Variants in MAOA observed in about 807,000 individuals in gnomAD.
MAOA encodes monoamine oxidase A.
MAOA carries 6 observed loss-of-function variants against 42.0 expected under a neutral mutation model. That is an observed-to-expected ratio of 0.14 (90% CI 0.08 to 0.28). The LOEUF (loss-of-function observed/expected upper bound fraction) is 0.28. Ranked by LOEUF, MAOA falls within the 10% of genes least tolerant of loss-of-function variation. The pLI is 1.00. For missense variants in MAOA, 262 were observed against 422.3 expected (o/e 0.62, Z 3.33); for synonymous variants, 140 against 154.0 (o/e 0.91, Z 0.67).
In MAOA at chrX:43,683,627, A is replaced by G; in HGVS notation, c.168+20A>G. The G allele has an allele frequency of 9.0e-7, 1 of 1,108,118 alleles. No homozygotes were observed. Among genetic ancestry groups the G allele is most frequent in the South Asian group, 1.8e-5 (1 of 54,623 alleles). 91.3% of individuals were successfully genotyped at this position (1,108,118 alleles called of 1,213,427 possible). ...ATAAGGGTAAGTGATTTTAATACTT[A>G]CATGTAATGTAATATCTCACTCAAA... On this transcript the variant is annotated intron_variant, in intron 2 of 14. Coordinates refer to ENST00000338702, the MANE Select transcript of MAOA (RefSeq NM_000240.4).
intron 3 of MAOA, among the ~76,000 whole-genome samples, chrX:43,702,034 C>T (rs1221781183): frequency 8.9e-6 from 1 of 112,164 alleles, no homozygotes; most frequent in Non-Finnish European, 1.9e-5. Context: ...AGCCTTCTAA[C>T]AGTTGAAATC....
chrX:43,698,189 A>G (rs1205143745), intron 3 of MAOA, among the ~76,000 whole-genome samples: 1 of 112,405 alleles, frequency 8.9e-6, no homozygotes, highest in Non-Finnish European at 1.9e-5. Context: ...AATTTTCCCA[A>G]TGCGAAACCT....
At chrX:43,710,204 G>A (rs1164827006) in intron 3 of MAOA, among the ~76,000 whole-genome samples, 1 of 112,690 alleles carries the variant, frequency 8.9e-6, no homozygotes. Context: ...CCAGTGTCAG[G>A]CATAGAGAAG....
intron 6 of MAOA, among the ~76,000 whole-genome samples, chrX:43,728,718 A>G (rs968821824): frequency 2.7e-5 from 3 of 112,665 alleles, no homozygotes; most frequent in Non-Finnish European, 3.7e-5. Flanking sequence ...TGATTCTTTT[A>G]TGTTAACTGC....
At chrX:43,658,718 G>C (rs1287553029) in intron 1 of MAOA, among the ~76,000 whole-genome samples, 1 of 111,849 alleles carries the variant, frequency 8.9e-6, no homozygotes. Flanking sequence ...AGTCAGATCT[G>C]AGTGATTTTA....
At chrX:43,717,101 G>A (rs1314618081) in intron 5 of MAOA, among the ~76,000 whole-genome samples, 2 of 110,697 alleles carry the variant, frequency 1.8e-5, no homozygotes, top group African/African-American at 3.3e-5. Flanking sequence ...GTGATGGTGG[G>A]GGGAAATGGT....
At chrX:43,676,795 G>A (rs995701648) in intron 1 of MAOA, among the ~76,000 whole-genome samples, 4 of 108,824 alleles carry the variant, frequency 3.7e-5, no homozygotes, top group African/African-American at 1.4e-4. Flanking sequence ...GTGTGTGTGT[G>A]TGTAGTGCCA....
At chrX:43,665,519 G>A (rs1378575195) in intron 1 of MAOA, among the ~76,000 whole-genome samples, 3 of 111,324 alleles carry the variant, frequency 2.7e-5, no homozygotes, top group Non-Finnish European at 5.7e-5. Context: ...ATGAAAGATT[G>A]GGGCGAATAA....
upstream of MAOA, chrX:43,656,226 C>A (rs1478433083): frequency 3.1e-5 from 20 of 645,561 alleles, no homozygotes; most frequent in Non-Finnish European, 3.5e-5. Context: ...CCCCGGGTAT[C>A]AAAAGAAGGA....
intron 2 of MAOA, among the ~76,000 whole-genome samples, chrX:43,687,812 C>T (rs1244002494): frequency 8.9e-6 from 1 of 112,496 alleles, no homozygotes; most frequent in Non-Finnish European, 1.9e-5. Flanking sequence ...TCAACACTAC[C>T]AGACCCTCAT....
At chrX:43,694,780 C>T (rs1358251729) in intron 3 of MAOA, among the ~76,000 whole-genome samples, 1 of 111,541 alleles carries the variant, frequency 9.0e-6, no homozygotes, top group Non-Finnish European at 1.9e-5. Context: ...GGGAGAGAGA[C>T]CAAACCCTTT....
chrX:43,687,730 A>G (rs1470192909), intron 2 of MAOA, among the ~76,000 whole-genome samples: 3 of 112,638 alleles, frequency 2.7e-5, no homozygotes, highest in Non-Finnish European at 5.6e-5. Context: ...TAGACTTCTG[A>G]TCTTCCTTAA....
At chrX:43,656,805 C>A (rs755044691) in intron 1 of MAOA, among the ~76,000 whole-genome samples, 1 of 110,125 alleles carries the variant, frequency 9.1e-6, no homozygotes, top group Non-Finnish European at 1.9e-5. Flanking sequence ...GGTCGAATCA[C>A]CTAGCTTGTA....
At chrX:43,692,031 ACACACACG>A (rs770608212) in intron 2 of MAOA, among the ~76,000 whole-genome samples, 1,318 of 68,487 alleles carry the variant, frequency 0.019, 16 homozygotes, top group African/African-American at 0.05. Flanking sequence ...ACACACACAC[ACACACACG>A]CACGCACACA....
chrX:43,666,519 G>A (rs1421516017), intron 1 of MAOA, among the ~76,000 whole-genome samples: 1 of 111,384 alleles, frequency 9.0e-6, no homozygotes. Flanking sequence ...AGCCGTTGTG[G>A]TCTTTTGCCT....
At chrX:43,714,370 G>T (rs1247478675) in intron 5 of MAOA, among the ~76,000 whole-genome samples, 3 of 110,852 alleles carry the variant, frequency 2.7e-5, no homozygotes, top group Non-Finnish European at 5.7e-5. Flanking sequence ...AGGTTCAGAG[G>T]GGAGAAAAGT....
intron 1 of MAOA, among the ~76,000 whole-genome samples, chrX:43,666,128 T>C (rs2033275438): frequency 1.8e-5 from 2 of 112,290 alleles, no homozygotes; most frequent in Non-Finnish European, 3.8e-5. Flanking sequence ...TCTTAGTATG[T>C]GGTTCTTCTA....
At chrX:43,696,646 C>G (rs1192671498) in intron 3 of MAOA, among the ~76,000 whole-genome samples, 2 of 107,157 alleles carry the variant, frequency 1.9e-5, no homozygotes, top group African/African-American at 6.8e-5. Flanking sequence ...TGAGGCAGGA[C>G]AATGGCGTGA....
intron 4 of MAOA, among the ~76,000 whole-genome samples, 157 bp from the exon 5 acceptor site, chrX:43,712,548 C>T (rs1430093976): frequency 9.0e-6 from 1 of 111,488 alleles, no homozygotes; most frequent in East Asian, 2.8e-4. Context: ...ATCCAAAGAA[C>T]TCTACCCCAC....
Sources: allele counts gnomAD v4.1 joint callset (sites outside exome capture counted in the v4.1 genomes callset), GRCh38; gene constraint gnomAD v4.1.1; transcripts MANE v1.5; gene names NCBI Gene and HGNC (gene_info 2026-07-23, HGNC 2026-07-21).